The following ADGRV1 variants were observed in gnomAD, a reference collection of about 807,000 sequenced individuals.
ADGRV1 encodes G-protein coupled receptor 98.
ADGRV1 carries 359 observed loss-of-function variants against 596.2 expected under a neutral mutation model. The ratio of observed to expected loss-of-function variants is 0.60; its 90% CI spans 0.55 to 0.66. ADGRV1 has a LOEUF of 0.66. Ranked by LOEUF, ADGRV1 falls within the 30% of genes least tolerant of loss-of-function variation. The pLI, the probability that ADGRV1 is intolerant of heterozygous loss-of-function variation, is 0.00. For synonymous variants in ADGRV1, 2,681 were observed against 2,679.2 expected (o/e 1.00, Z -0.02); for missense variants, 7,274 against 7,575.6 (o/e 0.96, Z 1.48).
chr5:90,865,624 TAAA>T (rs759523672), intron 83 of ADGRV1, among the ~76,000 whole-genome samples: 1 of 152,140 alleles, frequency 6.6e-6, no homozygotes, highest in Non-Finnish European at 1.5e-5. Context: ...ATGAAATAAC[TAAA>T]AAAGTATTTT....
intron 83 of ADGRV1, among the ~76,000 whole-genome samples, chr5:90,943,543 G>C (rs1372087117): frequency 6.6e-6 from 1 of 152,104 alleles, no homozygotes; most frequent in African/African-American, 2.4e-5. Flanking sequence ...GGCCTTCCAT[G>C]ACCTTCCCAT....
intron 85 of ADGRV1, among the ~76,000 whole-genome samples, chr5:91,007,222 G>A (rs1782351886): frequency 6.6e-6 from 1 of 152,232 alleles, no homozygotes; most frequent in Admixed American, 6.5e-5. Flanking sequence ...GGCCATGCAA[G>A]TGAGTGGCCC....
At chr5:90,619,357 T>A (rs1763754133) in intron 4 of ADGRV1, among the ~76,000 whole-genome samples, 176 bp downstream of exon 4, 1 of 152,210 alleles carries the variant, frequency 6.6e-6, no homozygotes, top group Non-Finnish European at 1.5e-5. Context: ...CTACCTAAGA[T>A]GTTTGTGAAT....
chr5:90,991,914 C>T (rs1292807063), intron 85 of ADGRV1, among the ~76,000 whole-genome samples: 2 of 152,186 alleles, frequency 1.3e-5, no homozygotes, highest in African/African-American at 2.4e-5. Flanking sequence ...TACTTATTGT[C>T]TGAGGAGTGA....
At chr5:91,040,837 C>T (rs375900039) in intron 85 of ADGRV1, among the ~76,000 whole-genome samples, 21 of 152,230 alleles carry the variant, frequency 1.4e-4, no homozygotes, top group Middle Eastern at 3.4e-3. Flanking sequence ...CAAAGGACAA[C>T]GGTCATAACA....
intron 64 of ADGRV1, among the ~76,000 whole-genome samples, chr5:90,780,420 G>A (rs1421752207): frequency 2.0e-5 from 3 of 151,920 alleles, no homozygotes; most frequent in Admixed American, 6.6e-5. Context: ...CTCTAGGTAG[G>A]GTATAAATAC....
At chr5:90,768,665 C>G (rs1757390626) in intron 59 of ADGRV1, among the ~76,000 whole-genome samples, 1 of 152,154 alleles carries the variant, frequency 6.6e-6, no homozygotes, top group Non-Finnish European at 1.5e-5. Context: ...GGTAACAGGG[C>G]AAAGTCCTTC....
At chr5:91,068,973 C>T (rs964921361) in intron 85 of ADGRV1, among the ~76,000 whole-genome samples, 23 of 151,550 alleles carry the variant, frequency 1.5e-4, no homozygotes, top group African/African-American at 4.1e-4. Flanking sequence ...GTTAGAAAAC[C>T]GAAAAAAAAG....
At chr5:90,892,092 A>G (rs1373226264) in intron 83 of ADGRV1, among the ~76,000 whole-genome samples, 1 of 152,028 alleles carries the variant, frequency 6.6e-6, no homozygotes, top group African/African-American at 2.4e-5. Context: ...GTGTCATAGA[A>G]TCTTTCATGG....
In ADGRV1 at chr5:90,791,025, C is replaced by T. The variant is rs745961110; in HGVS notation, c.14196C>T (p.Ile4732=). 6.2e-7 allele frequency: 1 copy of T among 1,613,842 alleles called. No homozygotes were observed. Among genetic ancestry groups the T allele is most frequent in the Non-Finnish European group, 8.5e-7 (1 of 1,179,852 alleles). The stretch of plus-strand genomic sequence containing the variant: ...CTGAGATAGAGGAAGATTATGTGAT[C>T]CAGCTTGTTTCTGTAGAGGGAGGAG... The part of the protein sequence containing the change: ...EVPEIEEDYV[I]QLVSVEGGAE... The change falls in exon 70 of 90, where the codon ATC becomes ATT. Residue 4732 remains isoleucine (I), a synonymous_variant. Coordinates refer to ENST00000405460, the MANE Select transcript of ADGRV1 (RefSeq NM_032119.4).
chr5:90,784,137 A>G (rs1388064933), intron 67 of ADGRV1, 80 bp downstream of exon 67: 9 of 865,804 alleles, frequency 1.0e-5, no homozygotes, highest in Admixed American at 2.9e-5. Context: ...TTGCCCAAGT[A>G]TATTTCTTTA....
At chr5:90,985,255 T>G (rs757460084) in intron 84 of ADGRV1, 89 bp from the exon 85 acceptor site, 136 of 799,886 alleles carry the variant, frequency 1.7e-4, no homozygotes, top group Non-Finnish European at 2.4e-4. Context: ...TGGCCTTTTG[T>G]TGGTCGGTAA....
chr5:91,060,368 A>ATGTGTGTG (rs1481100763), intron 85 of ADGRV1, among the ~76,000 whole-genome samples: 1 of 77,570 alleles, frequency 1.3e-5, no homozygotes, highest in African/African-American at 4.3e-5. Flanking sequence ...GCAATTTTAT[A>ATGTGTGTG]TGTGTGTGTG....
intron 83 of ADGRV1, among the ~76,000 whole-genome samples, chr5:90,884,448 T>A (rs984643119): frequency 6.6e-6 from 1 of 152,202 alleles, no homozygotes; most frequent in Non-Finnish European, 1.5e-5. Context: ...TTAACACAAC[T>A]GGGTCATTAA....
intron 86 of ADGRV1, among the ~76,000 whole-genome samples, chr5:91,084,009 T>G (rs1789644518): frequency 6.6e-6 from 1 of 152,182 alleles, no homozygotes; most frequent in African/African-American, 2.4e-5. Flanking sequence ...ATTTTCCTAT[T>G]CATGTTACTG....
At chr5:90,895,911 C>A (rs965639462) in intron 83 of ADGRV1, among the ~76,000 whole-genome samples, 8 of 151,952 alleles carry the variant, frequency 5.3e-5, no homozygotes, top group African/African-American at 1.9e-4. Flanking sequence ...TTTTTATGAA[C>A]AGTTGGCCTG....
intron 1 of ADGRV1, among the ~76,000 whole-genome samples, chr5:90,601,237 CA>C (rs200792828): frequency 0.015 from 1,921 of 129,440 alleles, 16 homozygotes; most frequent in African/African-American, 0.034. Context: ...AACTCCATCT[CA>C]AAAAAAAAAA....
At chr5:90,851,643 A>G (rs1435805956) in intron 79 of ADGRV1, among the ~76,000 whole-genome samples, 1 of 152,132 alleles carries the variant, frequency 6.6e-6, no homozygotes, top group African/African-American at 2.4e-5. Flanking sequence ...GTGCCAATCT[A>G]CATGTCAATG....
In ADGRV1 at chr5:91,131,224, G is replaced by A. The variant is rs536973274; in HGVS notation, c.18433-18806G>A. Reference sequence around the variant, plus strand: ...CTTTCCACAGGGACTGAACTAATTTGCATTCTCGCCAACGTATATAAAAAT... The same window carrying A: ...CTTTCCACAGGGACTGAACTAATTTACATTCTCGCCAACGTATATAAAAAT... On this transcript the variant is annotated intron_variant, in intron 87 of 89. Coordinates refer to ENST00000405460, the MANE Select transcript of ADGRV1 (RefSeq NM_032119.4). Among the ~76,000 whole-genome samples the A allele has an allele frequency of 2.6e-4, 40 of 152,268 alleles. 1 individual carries two copies. In the South Asian group the frequency reaches 6.0e-3, roughly 23 times the overall value.
Sources: allele counts gnomAD v4.1 joint callset (sites outside exome capture counted in the v4.1 genomes callset), GRCh38; gene constraint gnomAD v4.1.1; transcripts MANE v1.5; gene names NCBI Gene and HGNC (gene_info 2026-07-23, HGNC 2026-07-21).